ZFAND3: variants seen among roughly 807,000 people sequenced by gnomAD.
ZFAND3 encodes the protein AN1-type zinc finger protein 3.
ZFAND3 carries 10 observed loss-of-function variants against 29.6 expected under a neutral mutation model. The ratio of observed to expected loss-of-function variants is 0.34; its 90% CI spans 0.21 to 0.57. ZFAND3 has a LOEUF of 0.57. Among genes scored for constraint, ZFAND3 ranks in the 20% least tolerant of loss-of-function variants. The pLI is 0.86. For missense variants in ZFAND3, 230 were observed against 304.5 expected (o/e 0.76, Z 1.82); for synonymous variants, 128 against 112.6 (o/e 1.14, Z -0.87).
At chr6:38,059,250 G>C (rs1447762688) in intron 2 of ZFAND3, among the ~76,000 whole-genome samples, 1 of 152,074 alleles carries the variant, frequency 6.6e-6, no homozygotes, top group Non-Finnish European at 1.5e-5. Context: ...TTATTTCCTT[G>C]AATGTTTTTA....
Position 37,884,065 on chromosome 6 carries a change from A to G in ZFAND3, c.72-45894A>G, listed in dbSNP as rs558315944. Among the ~76,000 whole-genome samples, 61 of 145,300 alleles carry G rather than the reference A, an allele frequency of 4.2e-4. 12 individuals carry two copies. The highest frequency in any genetic ancestry group is 1.6e-3 in the African/African-American group (59 of 36,048). ...GTTCTGATGTATGTGTAGCTCTTATAATAGAGATTGATTTTTAACTTGATC... is the reference window on the plus strand; with the variant it reads ...GTTCTGATGTATGTGTAGCTCTTATGATAGAGATTGATTTTTAACTTGATC... On this transcript the variant is annotated intron_variant, in intron 1 of 5. Coordinates refer to ENST00000287218, the MANE Select transcript of ZFAND3 (RefSeq NM_021943.3).
At chr6:38,032,064 C>T (rs1016472622) in intron 2 of ZFAND3, among the ~76,000 whole-genome samples, 18 of 152,048 alleles carry the variant, frequency 1.2e-4, no homozygotes, top group Non-Finnish European at 2.6e-4. Flanking sequence ...AACTCCTGTG[C>T]TCAAGTGATC....
rs1581955367 is a variant in ZFAND3 at position 38,143,154 on chromosome 6, G to GTTCT, written c.530-9081_530-9080insTTCT. 6 of 152,430 alleles carry GTTCT rather than the reference G, an allele frequency of 3.9e-5. No homozygotes were observed. The East Asian group carries it at 1.2e-3, about 29-fold the overall frequency. 9.4% of individuals were successfully genotyped at this position (152,430 alleles called of 1,614,324 possible). A position where few individuals can be genotyped will look rare whatever the true frequency, so the allele number is the denominator to read the frequency against. On this transcript the variant is annotated intron_variant, in intron 5 of 5. Transcript: ENST00000287218. ...GGGCTGCTTGAGCTGGGTGATAGAA[G>GTTCT]GAGACATTACTGGGACGAAGCCGAC...
chr6:37,968,580 AGAGT>A (rs981954029), intron 2 of ZFAND3, among the ~76,000 whole-genome samples: 10 of 152,190 alleles, frequency 6.6e-5, no homozygotes, highest in African/African-American at 2.4e-4. Flanking sequence ...AAATCTTTTC[AGAGT>A]GAGAACTGGG....
intron 2 of ZFAND3, among the ~76,000 whole-genome samples, chr6:38,013,119 C>G (rs540570960): frequency 1.3e-5 from 2 of 152,306 alleles, no homozygotes; most frequent in East Asian, 3.9e-4. Flanking sequence ...GTGCCAGACA[C>G]TGTTATATAT....
intron 2 of ZFAND3, among the ~76,000 whole-genome samples, chr6:37,973,496 C>CT (rs1409142053): frequency 6.6e-6 from 1 of 152,230 alleles, no homozygotes; most frequent in African/African-American, 2.4e-5. Context: ...TGTTCTCTAT[C>CT]TGTGCTATCC....
chr6:37,839,573 G>A (rs1268547010), intron 1 of ZFAND3, among the ~76,000 whole-genome samples: 2 of 149,896 alleles, frequency 1.3e-5, no homozygotes, highest in African/African-American at 4.9e-5. Flanking sequence ...GGAGTGCAGT[G>A]GCGCGATCTC....
rs557969724 is a variant in ZFAND3, at chr6:38,089,246, A to G, written c.361+6789A>G. On this transcript the variant is annotated intron_variant, in intron 4 of 5. Coordinates refer to ENST00000287218, the MANE Select transcript of ZFAND3 (RefSeq NM_021943.3). ...CAAGTTATTCTCCTGCCTCACCCCC[A>G]CCCCCCAAGTAGCTGGGATTACAGG... Among the ~76,000 whole-genome samples the G allele has an allele frequency of 1.7e-3, 254 of 150,306 alleles. 1 individual carries two copies. The highest frequency in any genetic ancestry group is 6.0e-3 in the African/African-American group (243 of 40,770).
intron 1 of ZFAND3, among the ~76,000 whole-genome samples, chr6:37,820,405 G>A (rs1351532282): frequency 6.6e-6 from 1 of 152,218 alleles, no homozygotes; most frequent in Non-Finnish European, 1.5e-5. Context: ...CGGGGCGTGA[G>A]TTGGTGCCCA....
chr6:38,022,272 A>T (rs1023841234), intron 2 of ZFAND3, among the ~76,000 whole-genome samples: 25 of 152,232 alleles, frequency 1.6e-4, no homozygotes, highest in African/African-American at 5.8e-4. Flanking sequence ...CATCTATTAT[A>T]CTTTTCCTCT....
At chr6:37,832,459 T>A (rs1763880190) in intron 1 of ZFAND3, among the ~76,000 whole-genome samples, 1 of 152,236 alleles carries the variant, frequency 6.6e-6, no homozygotes, top group South Asian at 2.1e-4. Flanking sequence ...AGTAGTGCCC[T>A]CTGTCAGTGG....
At chr6:38,149,335 C>G (rs1354362420) in intron 5 of ZFAND3, among the ~76,000 whole-genome samples, 1 of 151,124 alleles carries the variant, frequency 6.6e-6, no homozygotes, top group African/African-American at 2.4e-5. Flanking sequence ...CCTCTTGAGC[C>G]CAGAAGGTTG....
At chr6:38,137,838 G>A (rs1185041474) in intron 5 of ZFAND3, among the ~76,000 whole-genome samples, 2 of 152,284 alleles carry the variant, frequency 1.3e-5, no homozygotes, top group East Asian at 3.9e-4. Context: ...TGGTGTATCT[G>A]AGGAAGAGAA....
At chr6:38,068,867 C>A (rs1237192495) in intron 3 of ZFAND3, among the ~76,000 whole-genome samples, 1 of 152,180 alleles carries the variant, frequency 6.6e-6, no homozygotes, top group East Asian at 1.9e-4. Flanking sequence ...TACTCCACCT[C>A]TGGTTAAATT....
chr6:37,843,322 A>G (rs1348091945), intron 1 of ZFAND3, among the ~76,000 whole-genome samples: 1 of 151,388 alleles, frequency 6.6e-6, no homozygotes, highest in Non-Finnish European at 1.5e-5. Flanking sequence ...CATCTCTACT[A>G]AAAAATACAA....
intron 2 of ZFAND3, among the ~76,000 whole-genome samples, chr6:37,936,778 A>T (rs1040192527): frequency 6.6e-6 from 1 of 152,216 alleles, no homozygotes; most frequent in Non-Finnish European, 1.5e-5. Flanking sequence ...TTAAAAAGTG[A>T]AGTGAATTTA....
chr6:38,041,595 T>G (rs907154910), intron 2 of ZFAND3, among the ~76,000 whole-genome samples: 2 of 150,774 alleles, frequency 1.3e-5, no homozygotes, highest in African/African-American at 4.9e-5. Flanking sequence ...AACTGATTTC[T>G]GTTTTGTGAT....
At chr6:38,125,800 C>A (rs1765623684) in intron 5 of ZFAND3, among the ~76,000 whole-genome samples, 1 of 151,938 alleles carries the variant, frequency 6.6e-6, no homozygotes, top group Non-Finnish European at 1.5e-5. Flanking sequence ...TTAGTTAATT[C>A]TTTGTTTAAT....
chr6:38,060,054 A>G lies in ZFAND3; in HGVS notation c.113-1539A>G, dbSNP rs144758848. 3.6e-3 allele frequency among the ~76,000 whole-genome samples: 551 copies of G among 152,266 alleles called. 7 individuals are homozygous for G. Among genetic ancestry groups the G allele is most frequent in the African/African-American group, 0.013 (528 of 41,550 alleles). ...TGGCCCTTGAACAACACAAGTTTGAACTTTGTATCCCTGCTTATATGAAGC... is the reference window on the plus strand; with the variant it reads ...TGGCCCTTGAACAACACAAGTTTGAGCTTTGTATCCCTGCTTATATGAAGC... On this transcript the variant is annotated intron_variant, in intron 2 of 5. Transcript: ENST00000287218.
Sources: allele counts gnomAD v4.1 joint callset (sites outside exome capture counted in the v4.1 genomes callset), GRCh38; gene constraint gnomAD v4.1.1; transcripts MANE v1.5; gene names NCBI Gene and HGNC (gene_info 2026-07-23, HGNC 2026-07-21).